Variants in GALNT16 observed in about 807,000 individuals in gnomAD.
GALNT16 encodes UDP-GalNAc:polypeptide N-acetylgalactosaminyltransferase-like protein 1.
GALNT16 carries 40 observed loss-of-function variants against 76.1 expected under a neutral mutation model. That is an observed-to-expected ratio of 0.53 (90% CI 0.41 to 0.68). GALNT16 has a LOEUF of 0.68. GALNT16 is among the 30% of genes least tolerant of loss of function. The pLI is 0.00. For missense variants in GALNT16, 621 were observed against 731.9 expected (o/e 0.85, Z 1.75); for synonymous variants, 276 against 285.2 (o/e 0.97, Z 0.32).
At chr14:69,382,320 T>C in the GALNT16 span, among the ~76,000 whole-genome samples, 1 of 152,230 alleles carries the variant, frequency 6.6e-6, no homozygotes, top group Admixed American at 6.5e-5. Flanking sequence ...TGTCCATGCT[T>C]CCTAATTAAA....
chr14:69,305,022 T>C (rs917100956), intron 1 of GALNT16, among the ~76,000 whole-genome samples: 1 of 131,672 alleles, frequency 7.6e-6, no homozygotes, highest in African/African-American at 2.8e-5. Context: ...GTTCTATTGT[T>C]AATTTTTTTA....
chr14:69,281,067 A>G (rs942287860), intron 1 of GALNT16, among the ~76,000 whole-genome samples: 1 of 149,540 alleles, frequency 6.7e-6, no homozygotes, highest in East Asian at 2.0e-4. Context: ...CACCAACCCA[A>G]CTGTGCTACA....
intron 1 of GALNT16, among the ~76,000 whole-genome samples, chr14:69,301,574 A>G (rs779713068): frequency 9.2e-5 from 14 of 152,122 alleles, no homozygotes; most frequent in Non-Finnish European, 1.6e-4. Flanking sequence ...GGCTGATCTC[A>G]GAGACTCGCC....
chr14:69,364,516 T>G, the GALNT16 span, among the ~76,000 whole-genome samples: 1 of 151,942 alleles, frequency 6.6e-6, no homozygotes, highest in Non-Finnish European at 1.5e-5. This position sits in a 1 kb window ranked among gnomAD's most constrained non-coding sequence, Gnocchi z 4.2. Flanking sequence ...TTATCTAAGG[T>G]TTTCATTTAA....
intron 13 of GALNT16, among the ~76,000 whole-genome samples, chr14:69,347,446 C>T (rs1314330174): frequency 2.0e-5 from 3 of 152,202 alleles, no homozygotes; most frequent in African/African-American, 7.2e-5. Context: ...TGAGATCCAG[C>T]TGGGGTCGGC....
intron 7 of GALNT16, among the ~76,000 whole-genome samples, 188 bp from the exon 8 acceptor site, chr14:69,332,897 C>T (rs2045371768): frequency 6.7e-6 from 1 of 149,012 alleles, no homozygotes; most frequent in African/African-American, 2.5e-5. Flanking sequence ...ATCTTTGTAG[C>T]TTCTGTCTTA....
At chr14:69,289,568 C>T (rs1466899350) in intron 1 of GALNT16, among the ~76,000 whole-genome samples, 1 of 152,048 alleles carries the variant, frequency 6.6e-6, no homozygotes, top group Non-Finnish European at 1.5e-5. Context: ...CCACAGGGGC[C>T]TACAAGGACT....
At chr14:69,366,294 CCCTA>C in the GALNT16 span, among the ~76,000 whole-genome samples, 1 of 152,164 alleles carries the variant, frequency 6.6e-6, no homozygotes, top group Non-Finnish European at 1.5e-5. Flanking sequence ...ATGGCCCCCT[CCCTA>C]CCTATCCAGT....
chr14:69,324,819 A>G, intron 3 of GALNT16, 29 bp downstream of exon 3: 5 of 1,441,146 alleles, frequency 3.5e-6, no homozygotes, highest in Non-Finnish European at 4.8e-6. Context: ...CTCTCATCTC[A>G]GTGGTGCTGG....
At chr14:69,343,518 G>A (rs1188227910) in intron 12 of GALNT16, among the ~76,000 whole-genome samples, 1 of 152,218 alleles carries the variant, frequency 6.6e-6, no homozygotes, top group Non-Finnish European at 1.5e-5. Context: ...CCAGCTCCCT[G>A]GACACTAGCT....
chr14:69,377,788 T>TA, the GALNT16 span, among the ~76,000 whole-genome samples: 5 of 108,132 alleles, frequency 4.6e-5, no homozygotes, highest in African/African-American at 1.5e-4. Context: ...GCCTGGGTGA[T>TA]AGAGTGAGAC....
At chr14:69,303,340 A>G (rs1594835974) in intron 1 of GALNT16, among the ~76,000 whole-genome samples, 2 of 152,148 alleles carry the variant, frequency 1.3e-5, no homozygotes, top group African/African-American at 4.8e-5. Context: ...GCCCAATAGC[A>G]TCTGCTGCTT....
chr14:69,319,131 A>T (rs1393195565), intron 1 of GALNT16, among the ~76,000 whole-genome samples: 1 of 152,198 alleles, frequency 6.6e-6, no homozygotes, highest in African/African-American at 2.4e-5. Context: ...GGCCCAGTGG[A>T]CACGAGGACA....
intron 1 of GALNT16, among the ~76,000 whole-genome samples, chr14:69,316,919 A>G (rs2045110301): frequency 6.6e-6 from 1 of 152,180 alleles, no homozygotes; most frequent in African/African-American, 2.4e-5. Context: ...TTGATTCAGC[A>G]ACCACCTGTT....
chr14:69,383,419 G>A, the GALNT16 span, among the ~76,000 whole-genome samples: 34 of 152,332 alleles, frequency 2.2e-4, no homozygotes, highest in African/African-American at 7.9e-4. Flanking sequence ...AACGGACCCA[G>A]TCTCTGGTCT....
the GALNT16 span, among the ~76,000 whole-genome samples, chr14:69,373,126 A>G: frequency 1.3e-5 from 2 of 152,260 alleles, no homozygotes; most frequent in African/African-American, 4.8e-5. Context: ...ACCATGGAAC[A>G]GACACTAAAA....
At chr14:69,382,789 C>CAAAAAAAAAAAAAAAAAAAAAAAAAAAAA in the GALNT16 span, among the ~76,000 whole-genome samples, 2 of 103,132 alleles carry the variant, frequency 1.9e-5, no homozygotes, top group African/African-American at 7.4e-5. Context: ...ACTCTATCTC[C>CAAAAAAAAAAAAAAAAAAAAAAAAAAAAA]AAAAGAAAAA....
intron 1 of GALNT16, among the ~76,000 whole-genome samples, chr14:69,279,934 G>C (rs1171484788): frequency 6.6e-6 from 1 of 152,214 alleles, no homozygotes; most frequent in African/African-American, 2.4e-5. Flanking sequence ...CTACAGGAGA[G>C]CCCAGCCTAG....
chr14:69,345,732 G>GTGTGTGTGTGTGTGTGTGTC (rs1320227094), intron 12 of GALNT16, among the ~76,000 whole-genome samples: 1 of 151,904 alleles, frequency 6.6e-6, no homozygotes, highest in African/African-American at 2.4e-5. Context: ...GTGTGTGTGT[G>GTGTGTGTGTGTGTGTGTGTC]TGTGTCTGTA....
Sources: allele counts gnomAD v4.1 joint callset (sites outside exome capture counted in the v4.1 genomes callset), GRCh38; gene constraint gnomAD v4.1.1; non-coding constraint Gnocchi (gnomAD v3.1); transcripts MANE v1.5; gene names NCBI Gene and HGNC (gene_info 2026-07-23, HGNC 2026-07-21).